The following NKAIN3 variants were observed in gnomAD, a reference collection of about 807,000 sequenced individuals.
The protein encoded by NKAIN3 is sodium/potassium transporting ATPase interacting 3.
Under a neutral mutation model 30.2 loss-of-function variants are expected in NKAIN3, and 25 were observed. That is an observed-to-expected ratio of 0.83 (90% CI 0.60 to 1.16). NKAIN3 has a LOEUF of 1.16. Among genes scored for constraint, NKAIN3 ranks in the 50% most tolerant of loss-of-function variants. The pLI, the probability that NKAIN3 is intolerant of heterozygous loss-of-function variation, is 0.00. For synonymous variants in NKAIN3, 91 were observed against 89.6 expected (o/e 1.02, Z -0.09); for missense variants, 225 against 254.1 (o/e 0.89, Z 0.78).
intron 3 of NKAIN3, among the ~76,000 whole-genome samples, chr8:62,745,212 C>T (rs1462533712): frequency 6.6e-6 from 1 of 152,210 alleles, no homozygotes; most frequent in Admixed American, 6.5e-5. Context: ...TTAGGTGTCT[C>T]CTTGGCAACT....
At chr8:62,514,180 G>A (rs1807910126) in intron 1 of NKAIN3, among the ~76,000 whole-genome samples, 1 of 152,114 alleles carries the variant, frequency 6.6e-6, no homozygotes, top group South Asian at 2.1e-4. Flanking sequence ...AAGGCATTAT[G>A]TCTTCAAAGC....
At chr8:62,673,145 C>G (rs116153123) in intron 3 of NKAIN3, among the ~76,000 whole-genome samples, 2 of 152,260 alleles carry the variant, frequency 1.3e-5, no homozygotes, top group Middle Eastern at 6.8e-3. Context: ...CTGATTCCAG[C>G]GTCAGAGGTC....
intron 3 of NKAIN3, among the ~76,000 whole-genome samples, chr8:62,671,301 T>C (rs576608731): frequency 6.6e-6 from 1 of 152,270 alleles, no homozygotes; most frequent in East Asian, 1.9e-4. Flanking sequence ...CATTCTGTTA[T>C]ATCCTTCAGG....
At chr8:62,586,958 A>G (rs954112309) in intron 2 of NKAIN3, among the ~76,000 whole-genome samples, 5 of 152,184 alleles carry the variant, frequency 3.3e-5, no homozygotes, top group African/African-American at 1.2e-4. Context: ...ATATACCTAA[A>G]TACATGATGT....
chr8:62,594,885 T>C (rs942575505), intron 3 of NKAIN3, among the ~76,000 whole-genome samples: 2 of 151,754 alleles, frequency 1.3e-5, no homozygotes, highest in African/African-American at 4.8e-5. Flanking sequence ...GGGTAAGGGT[T>C]CTTTTTGGTT....
intron 1 of NKAIN3, among the ~76,000 whole-genome samples, chr8:62,272,317 G>C (rs759650705): frequency 1.3e-5 from 2 of 152,080 alleles, no homozygotes; most frequent in Non-Finnish European, 2.9e-5. Flanking sequence ...GGAGTATGGG[G>C]GATATGAGTG....
At chr8:62,533,274 A>C (rs955777335) in intron 1 of NKAIN3, among the ~76,000 whole-genome samples, 2 of 152,232 alleles carry the variant, frequency 1.3e-5, no homozygotes, top group Admixed American at 1.3e-4. Context: ...ACATGTAAAA[A>C]GATGGAATTT....
chr8:62,488,507 G>T (rs1442642782), intron 1 of NKAIN3, among the ~76,000 whole-genome samples: 1 of 151,968 alleles, frequency 6.6e-6, no homozygotes, highest in Non-Finnish European at 1.5e-5. Flanking sequence ...TATCCCTATT[G>T]CCTAGCTGAA....
chr8:62,398,427 A>G (rs1169431604), intron 1 of NKAIN3, among the ~76,000 whole-genome samples: 1 of 79,920 alleles, frequency 1.3e-5, no homozygotes, highest in Non-Finnish European at 2.5e-5. Flanking sequence ...TCTAAACCAC[A>G]AAATAAGCAA....
At chr8:62,705,184 A>G (rs1814479904) in intron 3 of NKAIN3, among the ~76,000 whole-genome samples, 1 of 152,188 alleles carries the variant, frequency 6.6e-6, no homozygotes, top group African/African-American at 2.4e-5. Context: ...ATGGATATGA[A>G]TGTTCTAAAA....
chr8:62,640,811 A>G (rs1375658739), intron 3 of NKAIN3, among the ~76,000 whole-genome samples: 1 of 152,016 alleles, frequency 6.6e-6, no homozygotes, highest in African/African-American at 2.4e-5. Flanking sequence ...CTACTCATCG[A>G]ATCTGGTCTA....
chr8:62,384,297 C>T (rs561095253), intron 1 of NKAIN3, among the ~76,000 whole-genome samples: 41 of 152,180 alleles, frequency 2.7e-4, no homozygotes, highest in Middle Eastern at 6.8e-3. Flanking sequence ...GTTAACGTTA[C>T]GCAGTTATGA....
chr8:62,994,478 G>T (rs1804056248), intron 5 of NKAIN3, among the ~76,000 whole-genome samples: 1 of 152,238 alleles, frequency 6.6e-6, no homozygotes, highest in Admixed American at 6.5e-5. Context: ...TGGGAAAAAG[G>T]ATTGAGTGGC....
chr8:62,750,031 C>A (rs1024641471), intron 4 of NKAIN3, among the ~76,000 whole-genome samples: 9 of 151,946 alleles, frequency 5.9e-5, no homozygotes, highest in Non-Finnish European at 1.2e-4. Context: ...TCTTGTTGCC[C>A]AATATGTGCT....
At chr8:62,960,794 A>C (rs1823550673) in intron 6 of NKAIN3, among the ~76,000 whole-genome samples, 1 of 152,092 alleles carries the variant, frequency 6.6e-6, no homozygotes, top group African/African-American at 2.4e-5. Context: ...AAACATTTAC[A>C]GTTCTATCAG....
intron 4 of NKAIN3, among the ~76,000 whole-genome samples, chr8:62,845,769 A>C (rs1819671348): frequency 6.6e-6 from 1 of 152,144 alleles, no homozygotes; most frequent in East Asian, 1.9e-4. Context: ...TGAACAGTGT[A>C]TTCGGAAAAG....
chr8:62,425,119 G>C (rs1298445711), intron 1 of NKAIN3, among the ~76,000 whole-genome samples: 1 of 151,686 alleles, frequency 6.6e-6, no homozygotes, highest in Non-Finnish European at 1.5e-5. Context: ...TGATTTCCAG[G>C]GTCTGAATGG....
At chr8:62,842,814 A>C (rs1264439147) in intron 4 of NKAIN3, among the ~76,000 whole-genome samples, 1 of 152,068 alleles carries the variant, frequency 6.6e-6, no homozygotes, top group Non-Finnish European at 1.5e-5. Context: ...CCACATTCAG[A>C]AAAAAATGAA....
At chr8:62,826,412 A>G (rs901136593) in intron 4 of NKAIN3, among the ~76,000 whole-genome samples, 1 of 152,188 alleles carries the variant, frequency 6.6e-6, no homozygotes, top group Non-Finnish European at 1.5e-5. Flanking sequence ...TGTGATCATC[A>G]TCTCTACTGA....
Sources: gnomAD v4.1 joint callset for allele counts (sites outside exome capture counted in the v4.1 genomes callset) on GRCh38, gnomAD v4.1.1 for gene constraint, MANE v1.5 for transcripts, NCBI Gene and HGNC (gene_info 2026-07-23, HGNC 2026-07-21) for gene names.